The following TOPAZ1 variants were observed in gnomAD, a reference collection of about 807,000 sequenced individuals.
TOPAZ1 encodes the protein protein TOPAZ1.
In TOPAZ1, 66 loss-of-function variants were observed where a neutral mutation model predicts 172.2. The observed-to-expected ratio is 0.38, with a 90% CI of 0.31 to 0.47. The LOEUF (loss-of-function observed/expected upper bound fraction) is 0.47, where lower values mean the gene tolerates loss of function less well. Ranked by LOEUF, TOPAZ1 falls within the 20% of genes least tolerant of loss-of-function variation. TOPAZ1 has a pLI of 0.99. For missense variants in TOPAZ1, 1,822 were observed against 1,972.4 expected (o/e 0.92, Z 1.44); for synonymous variants, 681 against 683.9 (o/e 1.00, Z 0.07).
intron 12 of TOPAZ1, 144 bp downstream of exon 12, chr3:44,291,030 C>T: frequency 1.9e-6 from 1 of 528,134 alleles, no homozygotes; most frequent in Non-Finnish European, 3.2e-6. Context: ...TGTCTCTTGG[C>T]TGTGCCCTAC....
At chr3:44,320,522 C>T (rs1469957345) in intron 16 of TOPAZ1, among the ~76,000 whole-genome samples, 4 of 152,078 alleles carry the variant, frequency 2.6e-5, no homozygotes, top group African/African-American at 2.4e-5. Context: ...CACTTGAACC[C>T]GGGAGGCGGA....
At chr3:44,249,419 C>G (rs148601118) in intron 2 of TOPAZ1, among the ~76,000 whole-genome samples, 2 of 151,908 alleles carry the variant, frequency 1.3e-5, no homozygotes, top group Admixed American at 6.6e-5. Flanking sequence ...GAAGTTTGGT[C>G]GGGAAGGAGA....
intron 13 of TOPAZ1, among the ~76,000 whole-genome samples, 180 bp downstream of exon 13, chr3:44,304,261 C>T (rs760168131): frequency 6.6e-5 from 10 of 152,054 alleles, no homozygotes; most frequent in Non-Finnish European, 1.3e-4. Flanking sequence ...GAAAGGCAAA[C>T]GTTTTAATTT....
At chr3:44,312,796 T>C (rs1700410109) in intron 16 of TOPAZ1, among the ~76,000 whole-genome samples, 1 of 152,214 alleles carries the variant, frequency 6.6e-6, no homozygotes, top group African/African-American at 2.4e-5. Flanking sequence ...AATCAAATTT[T>C]GTAAAAAAGT....
intron 12 of TOPAZ1, among the ~76,000 whole-genome samples, chr3:44,302,582 G>A (rs1700285100): frequency 6.6e-6 from 1 of 152,110 alleles, no homozygotes; most frequent in Non-Finnish European, 1.5e-5. Flanking sequence ...AGTAACTGTA[G>A]AAGCTTTAAT....
chr3:44,299,537 A>C (rs1411778473), intron 12 of TOPAZ1, among the ~76,000 whole-genome samples: 2 of 152,064 alleles, frequency 1.3e-5, no homozygotes, highest in African/African-American at 4.8e-5. Context: ...TGTGGAAGTC[A>C]GTGTGGCGAT....
intron 2 of TOPAZ1, among the ~76,000 whole-genome samples, chr3:44,249,420 G>T (rs543841367): frequency 6.6e-6 from 1 of 152,020 alleles, no homozygotes; most frequent in Admixed American, 6.6e-5. Flanking sequence ...AAGTTTGGTC[G>T]GGAAGGAGAA....
At chr3:44,267,899 G>A (rs1434774445) in intron 6 of TOPAZ1, among the ~76,000 whole-genome samples, 1 of 152,082 alleles carries the variant, frequency 6.6e-6, no homozygotes, top group East Asian at 1.9e-4. Context: ...GCCCATGATG[G>A]TCATGTGTTT....
chr3:44,311,999 T>TA (rs1700402027), intron 16 of TOPAZ1, among the ~76,000 whole-genome samples: 1 of 152,086 alleles, frequency 6.6e-6, no homozygotes, highest in Non-Finnish European at 1.5e-5. Context: ...ATTTACTAAT[T>TA]CCATTTCTAA....
At chr3:44,332,131 G>A (rs1700678201), downstream of TOPAZ1, 3 of 670,130 alleles carry the variant, frequency 4.5e-6, no homozygotes, top group African/African-American at 1.8e-5. Flanking sequence ...CTTACAGCAA[G>A]TTAATAGTTT....
intron 2 of TOPAZ1, among the ~76,000 whole-genome samples, chr3:44,252,453 G>T (rs542690874): frequency 1.3e-5 from 2 of 152,340 alleles, no homozygotes; most frequent in South Asian, 2.1e-4. Context: ...TTTCAGCCAC[G>T]TGGGGGTAGT....
intron 8 of TOPAZ1, among the ~76,000 whole-genome samples, chr3:44,279,454 T>C (rs1699998980): frequency 6.6e-6 from 1 of 152,198 alleles, no homozygotes; most frequent in Non-Finnish European, 1.5e-5. Flanking sequence ...AGTCTGTCCC[T>C]CCCTTTAGAT....
At chr3:44,334,058 G>A (rs533160309), downstream of TOPAZ1, among the ~76,000 whole-genome samples, 1 of 152,318 alleles carries the variant, frequency 6.6e-6, no homozygotes, top group East Asian at 1.9e-4. Flanking sequence ...TGACATGCAT[G>A]TATTTGGAGA....
intron 15 of TOPAZ1, among the ~76,000 whole-genome samples, chr3:44,307,841 T>G (rs1700352529): frequency 6.6e-6 from 1 of 152,188 alleles, no homozygotes; most frequent in Non-Finnish European, 1.5e-5. Flanking sequence ...TAGCTCTTAT[T>G]GTGTGGTAGG....
chr3:44,321,247 TTAA>T (rs1396785974), intron 17 of TOPAZ1, 56 bp downstream of exon 17: 1 of 1,256,204 alleles, frequency 8.0e-7, no homozygotes, highest in Non-Finnish European at 1.1e-6. Context: ...TGTTTAACTG[TTAA>T]TAAGAAATAG....
At chr3:44,245,365 C>T (rs1260978163) in intron 2 of TOPAZ1, 94 bp downstream of exon 2, 2 of 1,278,774 alleles carry the variant, frequency 1.6e-6, no homozygotes, top group Non-Finnish European at 2.1e-6. Context: ...GATATTGAAG[C>T]TCCATTATTT....
Position 44,241,977 on chromosome 3 carries a change from G to C in TOPAZ1, c.-77G>C. ...GTCAGAGGGCAGTAGGTACCTCCAG[G>C]CGGGAGCAGCGTTTGCACCGCGGTG... is the stretch of plus-strand genomic sequence containing the variant. On this transcript the variant is annotated 5_prime_UTR_variant, in exon 1 of 20. Transcript: ENST00000309765. 1 of 1,372,246 alleles carries C rather than the reference G, an allele frequency of 7.3e-7. No individual in the cohort carries two copies. The highest frequency in any genetic ancestry group is 9.9e-7 in the Non-Finnish European group (1 of 1,010,680). 85.0% of individuals were successfully genotyped at this position (1,372,246 alleles called of 1,614,324 possible). A position where few individuals can be genotyped will look rare whatever the true frequency, so the allele number is the denominator to read the frequency against.
At chr3:44,253,993 C>T (rs1161689614) in intron 2 of TOPAZ1, among the ~76,000 whole-genome samples, 1 of 152,100 alleles carries the variant, frequency 6.6e-6, no homozygotes, top group Non-Finnish European at 1.5e-5. Flanking sequence ...TAGTGTTTGG[C>T]CATTTGTATT....
At chr3:44,328,708 C>T (rs1700630697) in intron 19 of TOPAZ1, among the ~76,000 whole-genome samples, 1 of 152,082 alleles carries the variant, frequency 6.6e-6, no homozygotes, top group Non-Finnish European at 1.5e-5. Flanking sequence ...GAGACGGATC[C>T]TCTTTAGGTA....
Sources: gnomAD v4.1 joint callset for allele counts (sites outside exome capture counted in the v4.1 genomes callset) on GRCh38, gnomAD v4.1.1 for gene constraint, MANE v1.5 for transcripts, NCBI Gene and HGNC (gene_info 2026-07-23, HGNC 2026-07-21) for gene names.